GPC5: variants seen among roughly 807,000 people sequenced by gnomAD.
GPC5 encodes the protein glypican 5, also known as glypican-5.
GPC5 carries 47 observed loss-of-function variants against 53.9 expected under a neutral mutation model. The observed-to-expected ratio is 0.87, with a 90% confidence interval of 0.69 to 1.11. The LOEUF is 1.11. Among genes scored for constraint, GPC5 ranks in the 50% most tolerant of loss-of-function variants. The pLI, the probability that GPC5 is intolerant of heterozygous loss-of-function variation, is 0.00. For missense variants in GPC5, 748 were observed against 713.1 expected (o/e 1.05, Z -0.56); for synonymous variants, 286 against 263.3 (o/e 1.09, Z -0.84).
At chr13:92,104,147 C>T (rs957879513) in intron 6 of GPC5, among the ~76,000 whole-genome samples, 1 of 152,134 alleles carries the variant, frequency 6.6e-6, no homozygotes, top group Non-Finnish European at 1.5e-5. Context: ...AATGAAAATA[C>T]TGAGAATGGA....
At chr13:91,550,655 G>A (rs1177098398) in intron 2 of GPC5, among the ~76,000 whole-genome samples, 1 of 152,012 alleles carries the variant, frequency 6.6e-6, no homozygotes, top group Non-Finnish European at 1.5e-5. Flanking sequence ...AAGTAGCGTG[G>A]CCTTGAATAA....
chr13:92,102,327 G>A (rs928784502), intron 6 of GPC5, among the ~76,000 whole-genome samples: 1 of 152,136 alleles, frequency 6.6e-6, no homozygotes, highest in East Asian at 1.9e-4. Context: ...TTCAGGCCTT[G>A]ATGATTAGTG....
chr13:92,305,216 T>C (rs901273888), intron 7 of GPC5, among the ~76,000 whole-genome samples: 8 of 152,116 alleles, frequency 5.3e-5, no homozygotes, highest in Non-Finnish European at 8.8e-5. Context: ...CTTCAAAATA[T>C]AGAAGATGAA....
intron 5 of GPC5, among the ~76,000 whole-genome samples, chr13:91,864,936 G>T (rs1371053644): frequency 7.0e-6 from 1 of 143,622 alleles, no homozygotes; most frequent in African/African-American, 2.6e-5. Context: ...ACAGAGTCTT[G>T]CTCTATCACC....
chr13:91,562,460 T>C (rs2031321134), intron 2 of GPC5, among the ~76,000 whole-genome samples: 1 of 151,968 alleles, frequency 6.6e-6, no homozygotes, highest in East Asian at 1.9e-4. Flanking sequence ...ATTCTTTCTT[T>C]TAATTTTTTC....
intron 7 of GPC5, among the ~76,000 whole-genome samples, chr13:92,248,181 A>T (rs1267222049): frequency 6.9e-6 from 1 of 145,138 alleles, no homozygotes; most frequent in Non-Finnish European, 1.5e-5. Flanking sequence ...GACAAAATGT[A>T]AAATAGAGGT....
At chr13:92,740,836 T>C (rs1342963948) in intron 7 of GPC5, among the ~76,000 whole-genome samples, 1 of 150,772 alleles carries the variant, frequency 6.6e-6, no homozygotes, top group African/African-American at 2.4e-5. Context: ...GTAGAATATA[T>C]TGGGGGAAAA....
In GPC5 at chr13:92,126,042, C is replaced by T. The variant is rs372073698; in HGVS notation, c.1402-18788C>T. Among the ~76,000 whole-genome samples, 31 of 137,538 alleles carry T rather than the reference C, an allele frequency of 2.3e-4. No homozygotes were observed. The East Asian group carries it at 3.5e-3, about 15-fold the overall frequency. 90.2% of individuals were successfully genotyped at this position (137,538 alleles called of 152,430 possible). ...CAATCTTAGCTCACTGCAACCTCCA[C>T]CTCCTGGGTTGGAGTGATTCTCCTG... On this transcript the variant is annotated intron_variant, in intron 6 of 7. Coordinates refer to ENST00000377067, the MANE Select transcript of GPC5 (RefSeq NM_004466.6).
chr13:92,386,750 A>G (rs1373803782), intron 7 of GPC5, among the ~76,000 whole-genome samples: 2 of 151,972 alleles, frequency 1.3e-5, no homozygotes, highest in Non-Finnish European at 2.9e-5. Flanking sequence ...GCTTAAATTA[A>G]GTTTGTATTT....
At chr13:92,037,191 A>G (rs2040900220) in intron 6 of GPC5, among the ~76,000 whole-genome samples, 1 of 151,988 alleles carries the variant, frequency 6.6e-6, no homozygotes, top group African/African-American at 2.4e-5. Flanking sequence ...GTGCACACAC[A>G]TGCTCATACA....
intron 6 of GPC5, among the ~76,000 whole-genome samples, chr13:92,078,451 T>C (rs1203866700): frequency 1.3e-5 from 2 of 152,196 alleles, no homozygotes; most frequent in African/African-American, 2.4e-5. Context: ...AATGTGAGAA[T>C]CATAGCTGTT....
chr13:92,848,936 A>G (rs1159175125), intron 7 of GPC5, among the ~76,000 whole-genome samples: 3 of 152,194 alleles, frequency 2.0e-5, no homozygotes, highest in African/African-American at 7.2e-5. Context: ...GCAAGCATAG[A>G]AAAATTTCCA....
rs140110612 is a variant in GPC5, at chr13:91,955,029, A to G, written c.1401+46972A>G. ...TAATTAGGAATTAATCTAACTGAAG[A>G]TATACAAGATGTATAGCATGAGACT... On this transcript the variant is annotated intron_variant, in intron 6 of 7. Coordinates refer to ENST00000377067, the MANE Select transcript of GPC5 (RefSeq NM_004466.6). Among the ~76,000 whole-genome samples, 941 of 152,330 alleles carry G rather than the reference A, an allele frequency of 6.2e-3. 16 individuals are homozygous for G. Among genetic ancestry groups the G allele is most frequent in the African/African-American group, 0.022 (907 of 41,576 alleles).
At chr13:92,671,933 T>C (rs1886766624) in intron 7 of GPC5, among the ~76,000 whole-genome samples, 1 of 152,172 alleles carries the variant, frequency 6.6e-6, no homozygotes, top group Admixed American at 6.6e-5. Context: ...TGACATTATC[T>C]TAAAGTGTTA....
intron 6 of GPC5, among the ~76,000 whole-genome samples, chr13:92,053,023 T>G (rs1032907793): frequency 1.3e-5 from 2 of 152,184 alleles, no homozygotes; most frequent in Non-Finnish European, 2.9e-5. Context: ...TCGTTTTTAT[T>G]ATGATGATCT....
Position 92,484,987 on chromosome 13 carries a change from C to T in GPC5, c.1561+339998C>T, listed in dbSNP as rs182455435. Among the ~76,000 whole-genome samples the T allele has an allele frequency of 3.1e-3, 467 of 152,194 alleles. 2 individuals are homozygous for T. The highest frequency in any genetic ancestry group is 0.011 in the African/African-American group (447 of 41,522). The stretch of plus-strand genomic sequence containing the variant: ...CTGACCTCAAGTGATCCACCTGCCT[C>T]GGCCTCCCAAAGTGCCAGGATTACA... On this transcript the variant is annotated intron_variant, in intron 7 of 7. Transcript: ENST00000377067.
At chr13:91,449,036 G>A (rs9589237) in intron 2 of GPC5, 114 bp downstream of exon 2, 9 of 1,185,414 alleles carry the variant, frequency 7.6e-6, no homozygotes, top group South Asian at 1.5e-5. Context: ...CATAATATTC[G>A]GGTATAAAAT....
At chr13:92,116,336 G>A (rs1440202185) in intron 6 of GPC5, among the ~76,000 whole-genome samples, 1 of 152,010 alleles carries the variant, frequency 6.6e-6, no homozygotes, top group Non-Finnish European at 1.5e-5. Context: ...AAATAGAAGA[G>A]GCCATCTATA....
chr13:91,506,388 GTT>G (rs150615870), intron 2 of GPC5, among the ~76,000 whole-genome samples: 1 of 151,986 alleles, frequency 6.6e-6, no homozygotes, highest in Non-Finnish European at 1.5e-5. Context: ...TTGTTCCCTT[GTT>G]TCTATAGATT....
Sources: gnomAD v4.1 joint callset for allele counts (sites outside exome capture counted in the v4.1 genomes callset) on GRCh38, gnomAD v4.1.1 for gene constraint, MANE v1.5 for transcripts, NCBI Gene and HGNC (gene_info 2026-07-23, HGNC 2026-07-21) for gene names.